The following MICALL2 variants were observed in gnomAD, a reference collection of about 807,000 sequenced individuals.
MICALL2 encodes MICAL-like protein 2.
A neutral mutation model predicts 91.1 loss-of-function variants in MICALL2; 111 were observed. That is an observed-to-expected ratio of 1.22 (90% confidence interval 1.04 to 1.43). The LOEUF (loss-of-function observed/expected upper bound fraction) is 1.43, where lower values mean the gene tolerates loss of function less well. Ranked by LOEUF, MICALL2 falls within the 40% of genes most tolerant of loss-of-function variation. The probability of loss-of-function intolerance (pLI) is 0.00; values close to 1 mark genes in which losing one functional copy is unlikely to be tolerated. For synonymous variants in MICALL2, 694 were observed against 525.3 expected (o/e 1.32, Z -4.39); for missense variants, 1,556 against 1,236.0 (o/e 1.26, Z -3.88).
intron 6 of MICALL2, 62 bp from the exon 7 acceptor site, chr7:1,442,546 G>C (rs370807373): frequency 1.4e-6 from 2 of 1,470,180 alleles, no homozygotes; most frequent in East Asian, 4.7e-5. Flanking sequence ...ACCATCACCC[G>C]AGGCCGCCCC....
At chr7:1,442,777 T>C (rs1780370335) in intron 6 of MICALL2, among the ~76,000 whole-genome samples, 1 of 152,208 alleles carries the variant, frequency 6.6e-6, no homozygotes, top group Non-Finnish European at 1.5e-5. Context: ...GCATATGCTG[T>C]GGTTGATTCT....
chr7:1,447,150 G>A (rs1331360113), intron 4 of MICALL2, among the ~76,000 whole-genome samples: 2 of 152,158 alleles, frequency 1.3e-5, no homozygotes, highest in East Asian at 1.9e-4. Flanking sequence ...GGAGCCTGGA[G>A]TGGCAGTCCA....
Position 1,434,985 on chromosome 7 carries a change from G to GGCC in MICALL2, c.2638+115_2638+116insGGC, listed in dbSNP as rs1562442475. On this transcript the variant is annotated intron_variant, in intron 16 of 16. Transcript: ENST00000297508. ...AGGCTGAGGGGGGGACCCGATACCC[G>GGCC]CCCCCCCCCCACCCCCAGCTGGAGG... 250 of 255,642 alleles carry GGCC rather than the reference G, an allele frequency of 9.8e-4. 9 individuals are homozygous for GGCC. Among genetic ancestry groups the GGCC allele is most frequent in the South Asian group, 2.9e-3 (83 of 29,104 alleles). The allele number at this position is 255,642 out of a possible 1,614,324, so 15.8% of individuals were successfully genotyped here. A position where few individuals can be genotyped will look rare whatever the true frequency, so the allele number is the denominator to read the frequency against.
At chr7:1,442,528 GC>G in intron 6 of MICALL2, 44 bp from the exon 7 acceptor site, 1 of 1,502,226 alleles carries the variant, frequency 6.7e-7, no homozygotes, top group Non-Finnish European at 8.9e-7. Context: ...GGATCCAGGC[GC>G]CCTCCCACCA....
intron 16 of MICALL2, 117 bp downstream of exon 16, chr7:1,434,984 C>CGGGGGGGGGG: frequency 2.2e-6 from 1 of 449,086 alleles, no homozygotes; most frequent in Non-Finnish European, 3.9e-6. Flanking sequence ...ACCCGATACC[C>CGGGGGGGGGG]GCCCCCCCCC....
At chr7:1,449,035 C>G (rs574775976) in intron 2 of MICALL2, among the ~76,000 whole-genome samples, 86 of 152,372 alleles carry the variant, frequency 5.6e-4, no homozygotes, top group Middle Eastern at 3.4e-3. Flanking sequence ...TACCCTTCAC[C>G]GGGAGAATCC....
rs778800219 is a variant in MICALL2, at chr7:1,445,264, G to T, written c.806C>A (p.Thr269Asn). Residue 269 changes from threonine (T) to asparagine (N), a missense_variant, in exon 6 of 17, where the codon ACC becomes AAC. Thr to Asn is a moderately conservative substitution (Grantham distance 65, BLOSUM62 0). Coordinates refer to ENST00000297508, the MANE Select transcript of MICALL2 (RefSeq NM_182924.4). ...QPGAMGVDSR[T>N]SCSPQKAQEA... ...CTGGGCCTTCTGTGGGGAACAGGAG[G>T]TCCTGGAATCCACACCCATGGCCCC... The T allele has an allele frequency of 3.1e-6, 5 of 1,612,440 alleles. No individual in the cohort carries two copies. In the Admixed American group the frequency reaches 8.3e-5, roughly 27 times the overall value.
At position 1,444,721 on chromosome 7, in the gene MICALL2, T is replaced by C. The variant is rs1562458446; in HGVS notation, c.1349A>G (p.Glu450Gly). 1 of 1,612,468 alleles carries C rather than the reference T, an allele frequency of 6.2e-7. No homozygotes were observed. The highest frequency in any genetic ancestry group is 1.7e-5 in the Admixed American group (1 of 60,026). The stretch of plus-strand genomic sequence containing the variant: ...CTGCTTGAGGAAGTTCCGCGCCTGC[T>C]CCTTGCTGCTGTCCTTGGATAGAAC... ...SLVLSKDSSK[E>G]QARNFLKQAL... Residue 450 changes from glutamate (E) to glycine (G), a missense_variant, in exon 6 of 17, where the codon GAG (glutamate) becomes GGG (glycine). Physicochemically the swap from Glu to Gly is moderately conservative, Grantham distance 98. Coordinates refer to ENST00000297508, the MANE Select transcript of MICALL2 (RefSeq NM_182924.4).
Position 1,444,890 on chromosome 7 carries a change from T to A in MICALL2, c.1180A>T (p.Ser394Cys), listed in dbSNP as rs777476239. 6 of 1,580,346 alleles carry A rather than the reference T, an allele frequency of 3.8e-6. No homozygotes were observed. ...TCCACCGTGGCTGCAGATGTGGAGC[T>A]TGAACTGAGTGTGGTTTGAGGAGCT... ...VAAPQTTLSS[S>C]STSAATVDPP... Residue 394 changes from serine to cysteine, a missense_variant, in exon 6 of 17, where the codon AGC (serine) becomes TGC (cysteine). Coordinates refer to ENST00000297508, the MANE Select transcript of MICALL2 (RefSeq NM_182924.4).
At chr7:1,449,209 G>C (rs755257945) in intron 2 of MICALL2, among the ~76,000 whole-genome samples, 1 of 152,156 alleles carries the variant, frequency 6.6e-6, no homozygotes, top group African/African-American at 2.4e-5. Flanking sequence ...ACAGGGACTC[G>C]ACAGCCCACG....
chr7:1,449,209 G>A (rs755257945), intron 2 of MICALL2, among the ~76,000 whole-genome samples: 2 of 152,156 alleles, frequency 1.3e-5, no homozygotes, highest in Non-Finnish European at 2.9e-5. Context: ...ACAGGGACTC[G>A]ACAGCCCACG....
In MICALL2 at chr7:1,437,287, T is replaced by G. The variant is rs1780020251; in HGVS notation, c.2476+248A>C. The G allele has an allele frequency of 7.9e-6, 4 of 507,848 alleles. No individual in the cohort carries two copies. The Admixed American group carries it at 1.2e-4, about 15-fold the overall frequency. 31.5% of individuals were successfully genotyped at this position (507,848 alleles called of 1,614,324 possible). ...TCGTTTAATCCTCACAACAGCTGCG[T>G]GAGGTGGGTGCTACAAGCATCCTCA... On this transcript the variant is annotated intron_variant, in intron 14 of 16. Coordinates refer to ENST00000297508, the MANE Select transcript of MICALL2 (RefSeq NM_182924.4).
At chr7:1,434,980 T>TGGCCCCC in intron 16 of MICALL2, 121 bp downstream of exon 16, 2 of 628,926 alleles carry the variant, frequency 3.2e-6, no homozygotes, top group Non-Finnish European at 2.8e-6. Context: ...GGGGACCCGA[T>TGGCCCCC]ACCCGCCCCC....
intron 6 of MICALL2, among the ~76,000 whole-genome samples, chr7:1,443,915 G>A (rs576666662): frequency 6.6e-6 from 1 of 152,322 alleles, no homozygotes; most frequent in Non-Finnish European, 1.5e-5. Flanking sequence ...ATCTGCTCAG[G>A]GTCCAGGCAC....
intron 16 of MICALL2, 134 bp downstream of exon 16, chr7:1,434,966 AG>A: frequency 5.2e-6 from 5 of 954,962 alleles, no homozygotes; most frequent in African/African-American, 1.6e-5. Context: ...ACCAAGGCTG[AG>A]GGGGGGACCC....
intron 9 of MICALL2, chr7:1,439,580 G>C (rs1780172352): frequency 8.0e-6 from 2 of 251,572 alleles, no homozygotes; most frequent in African/African-American, 2.3e-5. Context: ...CATGAACACT[G>C]ATGTACACAT....
chr7:1,446,844 G>C lies in MICALL2; in HGVS notation c.526-16C>G, dbSNP rs756881687. 28 of 1,540,268 alleles carry C rather than the reference G, an allele frequency of 1.8e-5. No individual in the cohort carries two copies. The highest frequency in any genetic ancestry group is 2.5e-5 in the Non-Finnish European group (28 of 1,135,880). Reference sequence around the variant, plus strand: ...ATGCCTGGTCCTGGGGAAGATGCCAGCACCTCTCTGAGCAGCCGTCCACCC... The same window carrying C: ...ATGCCTGGTCCTGGGGAAGATGCCACCACCTCTCTGAGCAGCCGTCCACCC... On this transcript the variant is annotated splice_polypyrimidine_tract_variant and intron_variant, in intron 4 of 16. Transcript: ENST00000297508.
chr7:1,435,861 C>G (rs549923992), intron 15 of MICALL2, among the ~76,000 whole-genome samples: 1 of 151,996 alleles, frequency 6.6e-6, no homozygotes, highest in Non-Finnish European at 1.5e-5. Flanking sequence ...ACCATCCTGG[C>G]TAACATGGGG....
chr7:1,454,207 C>T (rs1259509365), intron 1 of MICALL2, among the ~76,000 whole-genome samples: 1 of 151,942 alleles, frequency 6.6e-6, no homozygotes, highest in Admixed American at 6.5e-5. Flanking sequence ...GGGAAGGAGC[C>T]CCAGCCGAGG....
Sources: gnomAD v4.1 joint callset for allele counts (sites outside exome capture counted in the v4.1 genomes callset) on GRCh38, gnomAD v4.1.1 for gene constraint, MANE v1.5 for transcripts, NCBI Gene and HGNC (gene_info 2026-07-23, HGNC 2026-07-21) for gene names.